Variants in SEPTIN7 observed in about 807,000 individuals in gnomAD.
SEPTIN7 encodes septin 7.
SEPTIN7 carries 10 observed loss-of-function variants against 63.3 expected under a neutral mutation model. The ratio of observed to expected loss-of-function variants is 0.16; its 90% CI spans 0.10 to 0.27. SEPTIN7 has a LOEUF of 0.27. SEPTIN7 is among the 10% of genes least tolerant of loss of function. SEPTIN7 has a pLI of 1.00. For missense variants in SEPTIN7, 310 were observed against 521.0 expected, an observed-to-expected ratio of 0.59 and a Z score of 3.94; for synonymous variants, 131 against 165.3, an observed-to-expected ratio of 0.79 and a Z score of 1.59.
At chr7:35,914,943 C>T in the SEPTIN7 span, among the ~76,000 whole-genome samples, 18 of 151,956 alleles carry the variant, frequency 1.2e-4, no homozygotes, top group South Asian at 4.1e-4. Context: ...TATATGCACA[C>T]GTATCCATGC....
chr7:35,842,901 G>A (rs955912365), intron 3 of SEPTIN7, among the ~76,000 whole-genome samples: 1 of 152,054 alleles, frequency 6.6e-6, no homozygotes, highest in Non-Finnish European at 1.5e-5. Context: ...AGTAACAAGT[G>A]TATGTTATAC....
chr7:35,869,107 T>G (rs1338578223), intron 4 of SEPTIN7, among the ~76,000 whole-genome samples: 1 of 151,856 alleles, frequency 6.6e-6, no homozygotes, highest in African/African-American at 2.4e-5. Flanking sequence ...GGGATTTGAG[T>G]TGGAAAGGGA....
intron 1 of SEPTIN7, among the ~76,000 whole-genome samples, chr7:35,829,332 G>A (rs1431315464): frequency 6.6e-6 from 1 of 151,712 alleles, no homozygotes; most frequent in Non-Finnish European, 1.5e-5. Context: ...AGTAGAGACG[G>A]GGTTTCACCA....
intron 3 of SEPTIN7, among the ~76,000 whole-genome samples, chr7:35,858,162 CTT>C (rs1304791296): frequency 1.3e-5 from 2 of 151,974 alleles, no homozygotes; most frequent in African/African-American, 4.8e-5. Context: ...CCAGGCCTGT[CTT>C]GAACTCCTGA....
At chr7:35,900,419 A>C (rs969118278) in intron 12 of SEPTIN7, 1 of 152,240 alleles carries the variant, frequency 6.6e-6, no homozygotes, top group Non-Finnish European at 1.5e-5. Context: ...ACACACCCCT[A>C]ATCAAAAGTC....
intron 1 of SEPTIN7, among the ~76,000 whole-genome samples, chr7:35,824,307 A>C (rs1483655458): frequency 6.6e-6 from 1 of 152,090 alleles, no homozygotes; most frequent in Non-Finnish European, 1.5e-5. Context: ...ACCTCCTTTG[A>C]AATGCTTCTG....
intron 10 of SEPTIN7, among the ~76,000 whole-genome samples, chr7:35,886,245 G>A (rs1240732268): frequency 6.6e-6 from 1 of 152,190 alleles, no homozygotes; most frequent in Non-Finnish European, 1.5e-5. Context: ...GCTAGAATTT[G>A]AATGTTAAAA....
chr7:35,866,044 C>G (rs1044767902), intron 4 of SEPTIN7, among the ~76,000 whole-genome samples: 8 of 152,166 alleles, frequency 5.3e-5, no homozygotes. Context: ...AGACAGAAGC[C>G]TGTGCACCAC....
Position 35,882,544 on chromosome 7 carries a change from G to A in SEPTIN7, c.691G>A (p.Glu231Lys). The A allele has an allele frequency of 6.7e-7, 1 of 1,486,908 alleles. No individual in the cohort carries two copies. The allele number at this position is 1,486,908 out of a possible 1,614,324, so 92.1% of individuals were successfully genotyped here. The part of the protein sequence containing the change: ...KIYEFPETDD[E>K]EENKLVKKIK... ...ATACGAATTTCCAGAAACAGATGAT[G>A]AAGAAGAAAATAAACTTGTTAAAAA... Residue 231 changes from glutamate to lysine, a missense_variant, in exon 8 of 14, where the codon GAA becomes AAA. Physicochemically the swap from Glu to Lys is moderately conservative, Grantham distance 56 (BLOSUM62 1). Coordinates refer to ENST00000350320, the MANE Select transcript of SEPTIN7 (RefSeq NM_001788.6).
intron 1 of SEPTIN7, among the ~76,000 whole-genome samples, chr7:35,806,043 G>A (rs1379201884): frequency 1.3e-5 from 2 of 152,202 alleles, no homozygotes; most frequent in African/African-American, 4.8e-5. Context: ...GATGCCAGCA[G>A]CACATGCTCT....
chr7:35,875,566 G>C (rs1360963775), intron 6 of SEPTIN7, among the ~76,000 whole-genome samples: 1 of 152,108 alleles, frequency 6.6e-6, no homozygotes, highest in African/African-American at 2.4e-5. Flanking sequence ...CCTCTACCAA[G>C]TATGAACTGC....
intron 3 of SEPTIN7, among the ~76,000 whole-genome samples, chr7:35,844,537 A>T (rs1784561032): frequency 6.6e-6 from 1 of 152,222 alleles, no homozygotes; most frequent in Non-Finnish European, 1.5e-5. Flanking sequence ...TCTGTCACAG[A>T]CAAGCTGTAT....
At chr7:35,911,115 C>G (rs1372972225), downstream of SEPTIN7, among the ~76,000 whole-genome samples, 1 of 152,126 alleles carries the variant, frequency 6.6e-6, no homozygotes, top group Admixed American at 6.5e-5. Flanking sequence ...CAGCCACCCA[C>G]CTGGGGACAG....
At chr7:35,907,507 C>G (rs1267354795), downstream of SEPTIN7, among the ~76,000 whole-genome samples, 1 of 152,044 alleles carries the variant, frequency 6.6e-6, no homozygotes, top group Non-Finnish European at 1.5e-5. Flanking sequence ...GTTTCCTCAT[C>G]TGCAAAAGGA....
chr7:35,828,666 C>T (rs1449320246), intron 1 of SEPTIN7, among the ~76,000 whole-genome samples: 1 of 152,184 alleles, frequency 6.6e-6, no homozygotes, highest in Non-Finnish European at 1.5e-5. Context: ...CATGAGCCAC[C>T]GTGCCCTGCC....
intron 1 of SEPTIN7, among the ~76,000 whole-genome samples, chr7:35,809,108 C>A (rs1788539897): frequency 6.6e-6 from 1 of 152,212 alleles, no homozygotes; most frequent in East Asian, 1.9e-4. Context: ...AGAACTTCAA[C>A]AATCAAGTTC....
downstream of SEPTIN7, among the ~76,000 whole-genome samples, chr7:35,909,154 G>A (rs1174189562): frequency 2.0e-5 from 3 of 152,104 alleles, no homozygotes; most frequent in African/African-American, 4.8e-5. Flanking sequence ...AACTCTCAAT[G>A]TGATTATACA....
At chr7:35,827,129 T>A (rs1479501390) in intron 1 of SEPTIN7, among the ~76,000 whole-genome samples, 2 of 152,230 alleles carry the variant, frequency 1.3e-5, no homozygotes, top group African/African-American at 4.8e-5. Context: ...TAAAAGATTT[T>A]GTAAAGCATA....
chr7:35,859,602 CTAT>C (rs1229433909), intron 3 of SEPTIN7, among the ~76,000 whole-genome samples: 1 of 152,142 alleles, frequency 6.6e-6, no homozygotes, highest in Non-Finnish European at 1.5e-5. Flanking sequence ...AAGTCTCCAA[CTAT>C]TATTATAGAA....
Sources: allele counts gnomAD v4.1 joint callset (sites outside exome capture counted in the v4.1 genomes callset), GRCh38; gene constraint gnomAD v4.1.1; transcripts MANE v1.5; gene names NCBI Gene and HGNC (gene_info 2026-07-23, HGNC 2026-07-21).